Variants in ATP9B observed in about 807,000 individuals in gnomAD.
ATP9B encodes probable phospholipid-transporting ATPase IIB.
In ATP9B, 110 loss-of-function variants were observed where a neutral mutation model predicts 146.1. The ratio of observed to expected loss-of-function variants is 0.75; its 90% CI spans 0.65 to 0.88. The LOEUF (loss-of-function observed/expected upper bound fraction) is 0.88, where lower values mean the gene tolerates loss of function less well. ATP9B is among the 40% of genes least tolerant of loss of function. The pLI is 0.00. For missense variants in ATP9B, 1,499 were observed against 1,496.4 expected, an observed-to-expected ratio of 1.00 and a Z score of -0.03; for synonymous variants, 604 against 569.7, an observed-to-expected ratio of 1.06 and a Z score of -0.86.
At chr18:79,293,883 A>C (rs2146228883) in intron 13 of ATP9B, among the ~76,000 whole-genome samples, 1 of 152,326 alleles carries the variant, frequency 6.6e-6, no homozygotes. Flanking sequence ...TATTATATTC[A>C]GTATTTTAGC....
chr18:79,370,912 GTT>G (rs2097065577), intron 26 of ATP9B, among the ~76,000 whole-genome samples: 4 of 152,188 alleles, frequency 2.6e-5, no homozygotes, highest in Non-Finnish European at 5.9e-5. Context: ...TCCTTTTACA[GTT>G]TTTGAATAAA....
chr18:79,329,381 A>T, intron 16 of ATP9B, 79 bp downstream of exon 16: 1 of 1,417,814 alleles, frequency 7.1e-7, no homozygotes, highest in Non-Finnish European at 9.3e-7. Context: ...TTTTCCCAAA[A>T]GAAAGTTAAA....
At chr18:79,086,803 C>T (rs1257315024) in intron 1 of ATP9B, among the ~76,000 whole-genome samples, 1 of 152,156 alleles carries the variant, frequency 6.6e-6, no homozygotes, top group East Asian at 1.9e-4. Context: ...ATATGATTCC[C>T]ATGGGGGAAA....
At chr18:79,323,985 C>T (rs1013751483) in intron 15 of ATP9B, among the ~76,000 whole-genome samples, 2 of 152,140 alleles carry the variant, frequency 1.3e-5, no homozygotes, top group African/African-American at 4.8e-5. Flanking sequence ...GGATAGAAGC[C>T]GTTTTAACTG....
chr18:79,087,530 A>ATG (rs2073949645), intron 1 of ATP9B: 1 of 152,254 alleles, frequency 6.6e-6, no homozygotes, highest in South Asian at 2.1e-4. Flanking sequence ...CTTTATTAAC[A>ATG]TGCAGGCAAA....
chr18:79,241,239 T>C (rs1053333954), intron 11 of ATP9B, among the ~76,000 whole-genome samples: 1 of 152,200 alleles, frequency 6.6e-6, no homozygotes, highest in Admixed American at 6.5e-5. Context: ...TTTTTCTCTG[T>C]GTAGAACATG....
chr18:79,284,561 C>A (rs987828153), intron 13 of ATP9B, among the ~76,000 whole-genome samples: 1 of 152,108 alleles, frequency 6.6e-6, no homozygotes, highest in African/African-American at 2.4e-5. Context: ...TCAAAGCATA[C>A]TTTAAAGATT....
At chr18:79,375,533 C>T in intron 29 of ATP9B, 107 bp downstream of exon 29, 1 of 1,523,030 alleles carries the variant, frequency 6.6e-7, no homozygotes, top group Middle Eastern at 2.3e-4. Flanking sequence ...ATTCAGTGTT[C>T]CTCAGGAACT....
At chr18:79,176,269 G>A (rs374622915) in intron 7 of ATP9B, among the ~76,000 whole-genome samples, 4 of 152,166 alleles carry the variant, frequency 2.6e-5, no homozygotes, top group South Asian at 2.1e-4. Flanking sequence ...ATGATAGCAC[G>A]GCCAAAGAGT....
chr18:79,359,284 C>G, intron 25 of ATP9B, 70 bp from the exon 26 acceptor site: 1 of 1,188,616 alleles, frequency 8.4e-7, no homozygotes, highest in East Asian at 2.4e-5. Flanking sequence ...GACCTCTAAT[C>G]CAGAGGTCTG....
intron 4 of ATP9B, among the ~76,000 whole-genome samples, chr18:79,118,793 C>T (rs1054789631): frequency 1.3e-5 from 2 of 151,818 alleles, no homozygotes; most frequent in African/African-American, 4.8e-5. Context: ...TATCGTTTCC[C>T]GGCTGGGTGC....
chr18:79,369,919 C>T (rs2097059412), intron 26 of ATP9B, among the ~76,000 whole-genome samples: 1 of 152,080 alleles, frequency 6.6e-6, no homozygotes, highest in African/African-American at 2.4e-5. Flanking sequence ...GCCAACATGG[C>T]AAAAGCCCAT....
At chr18:79,220,664 A>G (rs1000250654) in intron 11 of ATP9B, among the ~76,000 whole-genome samples, 2 of 152,328 alleles carry the variant, frequency 1.3e-5, no homozygotes, top group Non-Finnish European at 2.9e-5. Context: ...TGTCAAGGCA[A>G]ATTGAGCATC....
intron 15 of ATP9B, among the ~76,000 whole-genome samples, chr18:79,326,427 T>G (rs1600021324): frequency 7.0e-6 from 1 of 142,222 alleles, no homozygotes; most frequent in African/African-American, 2.6e-5. Flanking sequence ...CTCCCTCCCC[T>G]CACATGGTGT....
chr18:79,210,078 A>G (rs1290440352), intron 10 of ATP9B, among the ~76,000 whole-genome samples: 2 of 152,220 alleles, frequency 1.3e-5, no homozygotes, highest in Non-Finnish European at 2.9e-5. Context: ...GGTTAGACAC[A>G]GACAGGCAGA....
intron 26 of ATP9B, among the ~76,000 whole-genome samples, chr18:79,369,600 A>G (rs1347715804): frequency 1.3e-5 from 2 of 151,896 alleles, no homozygotes; most frequent in Admixed American, 6.6e-5. Context: ...ATAAATTATA[A>G]TAGAGATAAA....
At chr18:79,197,869 T>A (rs1263285801) in intron 9 of ATP9B, among the ~76,000 whole-genome samples, 1 of 152,186 alleles carries the variant, frequency 6.6e-6, no homozygotes, top group East Asian at 1.9e-4. Context: ...ATAGAACTAA[T>A]AGGCAACATA....
At chr18:79,342,163 G>A (rs2096862987) in intron 19 of ATP9B, 105 bp from the exon 20 acceptor site, 2 of 762,156 alleles carry the variant, frequency 2.6e-6, no homozygotes, top group East Asian at 2.6e-5. Flanking sequence ...CTATTGACGG[G>A]CACCTGGGTT....
intron 26 of ATP9B, among the ~76,000 whole-genome samples, chr18:79,370,292 C>T (rs2097061409): frequency 6.6e-6 from 1 of 152,158 alleles, no homozygotes; most frequent in Non-Finnish European, 1.5e-5. Context: ...ACGTGAGCCA[C>T]ATGCCACTAT....
Sources: gnomAD v4.1 joint callset for allele counts (sites outside exome capture counted in the v4.1 genomes callset) on GRCh38, gnomAD v4.1.1 for gene constraint, MANE v1.5 for transcripts, NCBI Gene and HGNC (gene_info 2026-07-23, HGNC 2026-07-21) for gene names.